The following ZNHIT3 variants were observed in gnomAD, a reference collection of about 807,000 sequenced individuals.
ZNHIT3 encodes zinc finger HIT domain-containing protein 3.
Under a neutral mutation model 19.9 loss-of-function variants are expected in ZNHIT3, and 27 were observed. The observed-to-expected ratio is 1.36, with a 90% CI of 1.00 to 1.87. ZNHIT3 has a LOEUF of 1.87. ZNHIT3 is among the 40% of genes most tolerant of loss of function. ZNHIT3 has a pLI of 0.00. For missense variants in ZNHIT3, 215 were observed against 185.6 expected, an observed-to-expected ratio of 1.16 and a Z score of -0.92; for synonymous variants, 81 against 65.7, an observed-to-expected ratio of 1.23 and a Z score of -1.13.
At position 36,486,983 on chromosome 17, in the gene ZNHIT3, C is replaced by A. The variant is rs766578415; in HGVS notation, c.118+17C>A. The A allele has an allele frequency of 6.2e-7, 1 of 1,610,722 alleles. No homozygotes were observed. Among genetic ancestry groups the A allele is most frequent in the Non-Finnish European group, 8.5e-7 (1 of 1,179,330 alleles). ...AGCACAAAGGTGAGCCCCGTCCCCG[C>A]CAGCCCTCGTACCACTGCGCACGGG... On this transcript the variant is annotated intron_variant, in intron 2 of 4. Transcript: ENST00000617429.
intron 2 of ZNHIT3, chr17:36,491,716 A>G (rs771143242): frequency 4.6e-5 from 7 of 151,874 alleles, no homozygotes; most frequent in South Asian, 4.2e-4. Context: ...CTGACATCCA[A>G]CTGTTTAGCT....
chr17:36,491,285 A>G (rs1462351454), intron 2 of ZNHIT3: 3 of 152,182 alleles, frequency 2.0e-5, no homozygotes, highest in Admixed American at 2.0e-4. Flanking sequence ...CTGAGGTCAG[A>G]TGAGATAGGG....
downstream of ZNHIT3, chr17:36,499,107 T>C: frequency 6.2e-7 from 1 of 1,610,808 alleles, no homozygotes; most frequent in Non-Finnish European, 8.5e-7. Context: ...TTGATGACTG[T>C]GGCAGCTGCA....
downstream of ZNHIT3, among the ~76,000 whole-genome samples, chr17:36,497,155 C>A (rs1367740237): frequency 1.3e-5 from 2 of 149,302 alleles, no homozygotes; most frequent in African/African-American, 4.9e-5. Flanking sequence ...TATGGCGAAA[C>A]CCCGTCTCTA....
intron 2 of ZNHIT3, among the ~76,000 whole-genome samples, chr17:36,487,624 T>C (rs1387315425): frequency 6.6e-6 from 1 of 150,960 alleles, no homozygotes; most frequent in Non-Finnish European, 1.5e-5. Context: ...TGAAACTCCG[T>C]CTCTACTAAA....
chr17:36,487,100 C>G, intron 2 of ZNHIT3, 134 bp downstream of exon 2: 1 of 1,238,114 alleles, frequency 8.1e-7, no homozygotes, highest in Admixed American at 2.6e-5. Flanking sequence ...TCTGCAGGAA[C>G]CTTGCTTCCT....
rs552279678 is a variant in ZNHIT3, at chr17:36,486,985, A to T, written c.118+19A>T. 3.1e-6 allele frequency: 5 copies of T among 1,610,770 alleles called. No individual in the cohort carries two copies. The South Asian group carries it at 5.5e-5, about 18-fold the overall frequency. On this transcript the variant is annotated intron_variant, in intron 2 of 4. Coordinates refer to ENST00000617429, the MANE Select transcript of ZNHIT3 (RefSeq NM_004773.4). ...CACAAAGGTGAGCCCCGTCCCCGCC[A>T]GCCCTCGTACCACTGCGCACGGGGC...
chr17:36,495,631 G>C lies in ZNHIT3; in HGVS notation c.*227G>C. 1.6e-6 allele frequency: 2 copies of C among 1,289,364 alleles called. No individual in the cohort carries two copies. Among genetic ancestry groups the C allele is most frequent in the Non-Finnish European group, 2.0e-6 (2 of 1,021,862 alleles). 79.9% of individuals were successfully genotyped at this position (1,289,364 alleles called of 1,614,324 possible). Reference sequence around the variant, plus strand: ...TTATGGAGAGAAAACTTGACATTCAGATGATTGTTTTTAAATGTTTTACTT... The same window carrying C: ...TTATGGAGAGAAAACTTGACATTCACATGATTGTTTTTAAATGTTTTACTT... On this transcript the variant is annotated 3_prime_UTR_variant, in exon 5 of 5. Coordinates refer to ENST00000617429, the MANE Select transcript of ZNHIT3 (RefSeq NM_004773.4).
At chr17:36,494,945 G>A (rs1319925704) in intron 4 of ZNHIT3, among the ~76,000 whole-genome samples, 1 of 152,078 alleles carries the variant, frequency 6.6e-6, no homozygotes, top group Non-Finnish European at 1.5e-5. Flanking sequence ...ACCAAGAACT[G>A]GTATCTGTTA....
intron 2 of ZNHIT3, chr17:36,490,655 ACT>A (rs1567714885): frequency 6.6e-6 from 1 of 151,262 alleles, no homozygotes; most frequent in Non-Finnish European, 1.5e-5. Flanking sequence ...GATTGCATTG[ACT>A]CTAGATTACT....
rs1001536012 is a variant in ZNHIT3, at chr17:36,487,027, C to T, written c.118+61C>T. 33 of 1,595,962 alleles carry T rather than the reference C, an allele frequency of 2.1e-5. No individual in the cohort carries two copies. The African/African-American group carries it at 3.8e-4, about 18-fold the overall frequency. ...GCACGGGGCAGCCCCCACGTCCAGC[C>T]TCCGTCTTGGGGGCGTGGACCCTTG... On this transcript the variant is annotated intron_variant, in intron 2 of 4. Transcript: ENST00000617429.
At chr17:36,492,975 C>A in intron 3 of ZNHIT3, 76 bp downstream of exon 3, 1 of 1,364,690 alleles carries the variant, frequency 7.3e-7, no homozygotes, top group Non-Finnish European at 1.0e-6. Context: ...GAGAGTGGGG[C>A]TGGTCAGGGA....
intron 2 of ZNHIT3, among the ~76,000 whole-genome samples, chr17:36,487,411 A>C (rs2070596619): frequency 6.6e-6 from 1 of 152,260 alleles, no homozygotes; most frequent in Admixed American, 6.5e-5. Flanking sequence ...GTCCATGTAC[A>C]ATACAAGGAG....
chr17:36,487,388 A>G (rs2070594874), intron 2 of ZNHIT3, among the ~76,000 whole-genome samples: 1 of 152,230 alleles, frequency 6.6e-6, no homozygotes, highest in African/African-American at 2.4e-5. Context: ...TCTTGTTAGA[A>G]ACAAAGAGGT....
Position 36,486,994 on chromosome 17 carries a change from A to G in ZNHIT3, c.118+28A>G, listed in dbSNP as rs781054474. The stretch of plus-strand genomic sequence containing the variant: ...GAGCCCCGTCCCCGCCAGCCCTCGT[A>G]CCACTGCGCACGGGGCAGCCCCCAC... On this transcript the variant is annotated intron_variant, in intron 2 of 4. Coordinates refer to ENST00000617429, the MANE Select transcript of ZNHIT3 (RefSeq NM_004773.4). 1.9e-6 allele frequency: 3 copies of G among 1,609,782 alleles called. No individual in the cohort carries two copies. In the East Asian group the frequency reaches 6.8e-5, roughly 36 times the overall value.
intron 3 of ZNHIT3, 139 bp downstream of exon 3, chr17:36,493,038 C>CA (rs1353069899): frequency 1.3e-6 from 1 of 774,128 alleles, no homozygotes; most frequent in African/African-American, 1.7e-5. Context: ...CCTTGAGCAT[C>CA]AGGAGTGGGG....
intron 2 of ZNHIT3, 53 bp downstream of exon 2, chr17:36,487,019 C>T (rs2070577670): frequency 1.4e-5 from 23 of 1,598,826 alleles, no homozygotes; most frequent in East Asian, 2.3e-5. Flanking sequence ...GCAGCCCCCA[C>T]GTCCAGCCTC....
Position 36,486,835 on chromosome 17 carries a change from G to T in ZNHIT3, c.86+50G>T, listed in dbSNP as rs1390065498. On this transcript the variant is annotated intron_variant, in intron 1 of 4. Transcript: ENST00000617429. ...AGGGGCGCGGGTGTCCGGCCATGGC[G>T]GGAGGGCGGGAGGCCGGGAGGCCGG... 2.5e-6 allele frequency: 4 copies of T among 1,600,980 alleles called. No homozygotes were observed. The African/African-American group carries it at 5.5e-5, about 22-fold the overall frequency.
intron 4 of ZNHIT3, among the ~76,000 whole-genome samples, chr17:36,494,410 C>G (rs1408121680): frequency 6.6e-6 from 1 of 152,198 alleles, no homozygotes; most frequent in East Asian, 1.9e-4. Context: ...ACAGCAGGGA[C>G]CTGTATTCCC....
Sources: gnomAD v4.1 joint callset for allele counts (sites outside exome capture counted in the v4.1 genomes callset) on GRCh38, gnomAD v4.1.1 for gene constraint, MANE v1.5 for transcripts, NCBI Gene and HGNC (gene_info 2026-07-23, HGNC 2026-07-21) for gene names.